RWDD1: variants seen among roughly 807,000 people sequenced by gnomAD.
RWDD1 encodes RWD domain-containing protein 1.
Under a neutral mutation model 31.6 loss-of-function variants are expected in RWDD1, and 17 were observed. That is an observed-to-expected ratio of 0.54 (90% CI 0.37 to 0.81). The LOEUF (loss-of-function observed/expected upper bound fraction) is 0.81. Among genes scored for constraint, RWDD1 ranks in the 30% least tolerant of loss-of-function variants. The pLI, the probability that RWDD1 is intolerant of heterozygous loss-of-function variation, is 0.00. For synonymous variants in RWDD1, 78 were observed against 94.2 expected (o/e 0.83, Z 0.99); for missense variants, 204 against 274.5 (o/e 0.74, Z 1.82).
At chr6:116,582,155 G>A (rs894775731) in intron 2 of RWDD1, among the ~76,000 whole-genome samples, 9 of 151,216 alleles carry the variant, frequency 6.0e-5, no homozygotes, top group African/African-American at 2.2e-4. Flanking sequence ...TGGAAATAGC[G>A]ATCTCTTCCT....
chr6:116,579,129 G>T (rs1453671074), intron 1 of RWDD1, among the ~76,000 whole-genome samples: 1 of 152,204 alleles, frequency 6.6e-6, no homozygotes, highest in African/African-American at 2.4e-5. Context: ...GCCCGCCTTG[G>T]CCTCCCAAAG....
chr6:116,572,374 G>A (rs1211936345), intron 1 of RWDD1: 3 of 152,340 alleles, frequency 2.0e-5, no homozygotes, highest in South Asian at 2.1e-4. Context: ...GGCAGGGCTG[G>A]TACTGAGTTA....
Position 116,582,922 on chromosome 6 carries a change from A to G in RWDD1, c.140-1805A>G, listed in dbSNP as rs116650244. Among the ~76,000 whole-genome samples, 1,104 of 144,096 alleles carry G rather than the reference A, an allele frequency of 7.7e-3. 18 individuals are homozygous for G. Among genetic ancestry groups the G allele is most frequent in the African/African-American group, 0.025 (977 of 39,380 alleles). The allele number at this position is 144,096 out of a possible 152,430, so 94.5% of individuals were successfully genotyped here. On this transcript the variant is annotated intron_variant, in intron 2 of 6. Coordinates refer to ENST00000466444, the MANE Select transcript of RWDD1 (RefSeq NM_015952.4). ...CTTAGAACAGCTTTTGCTTCAACCC[A>G]TAAGTTTTGGTATGATGTGTTTCCA...
At chr6:116,585,574 A>T (rs992110276) in intron 3 of RWDD1, among the ~76,000 whole-genome samples, 3 of 151,934 alleles carry the variant, frequency 2.0e-5, no homozygotes, top group African/African-American at 7.3e-5. Context: ...TTATTTGTTT[A>T]CTCTAAGAAG....
At chr6:116,589,724 CATG>C (rs1358241478) in intron 4 of RWDD1, among the ~76,000 whole-genome samples, 2 of 152,124 alleles carry the variant, frequency 1.3e-5, no homozygotes. Flanking sequence ...GCCTCAGAAT[CATG>C]GTGGGAGGTG....
chr6:116,593,256 T>A lies in RWDD1; in HGVS notation c.*155T>A. ...CATCATTGAACTTAATAAACTGACC[T>A]TAAAATTTCAAATATAAAATGTTCA... On this transcript the variant is annotated 3_prime_UTR_variant, in exon 7 of 7. Coordinates refer to ENST00000466444, the MANE Select transcript of RWDD1 (RefSeq NM_015952.4). 1.4e-6 allele frequency: 1 copy of A among 705,790 alleles called. No individual in the cohort carries two copies. The highest frequency in any genetic ancestry group is 2.1e-6 in the Non-Finnish European group (1 of 470,522). 43.7% of individuals were successfully genotyped at this position (705,790 alleles called of 1,614,324 possible). A position where few individuals can be genotyped will look rare whatever the true frequency, so the allele number is the denominator to read the frequency against.
At chr6:116,573,006 G>A (rs1340404323) in intron 1 of RWDD1, 7 of 985,074 alleles carry the variant, frequency 7.1e-6, no homozygotes, top group African/African-American at 1.7e-5. Flanking sequence ...ATGGAGTCTG[G>A]CTCCCTTCTC....
chr6:116,571,705 G>C (rs377627234), intron 1 of RWDD1, 50 bp downstream of exon 1: 4 of 1,552,144 alleles, frequency 2.6e-6, no homozygotes, highest in Non-Finnish European at 2.6e-6. Context: ...GGAGTAGGAC[G>C]GGCAGGAGCT....
chr6:116,586,633 A>G (rs1020470130), intron 3 of RWDD1, among the ~76,000 whole-genome samples: 13 of 152,198 alleles, frequency 8.5e-5, no homozygotes, highest in Non-Finnish European at 1.6e-4. Flanking sequence ...ACATTCTTAT[A>G]TATCACTACT....
chr6:116,592,305 G>A (rs1279652741), intron 6 of RWDD1, among the ~76,000 whole-genome samples: 1 of 151,478 alleles, frequency 6.6e-6, no homozygotes, highest in Non-Finnish European at 1.5e-5. Flanking sequence ...CTTCATCCTG[G>A]CTCCTTTTCT....
intron 6 of RWDD1, 119 bp from the exon 7 acceptor site, chr6:116,592,861 A>G (rs1339314805): frequency 9.3e-7 from 1 of 1,080,836 alleles, no homozygotes; most frequent in African/African-American, 1.6e-5. Context: ...GGATTTCATC[A>G]CTCCTACCTC....
chr6:116,587,283 T>C (rs1024213953), intron 3 of RWDD1, among the ~76,000 whole-genome samples: 1 of 152,102 alleles, frequency 6.6e-6, no homozygotes, highest in African/African-American at 2.4e-5. Flanking sequence ...TGGGTTGACA[T>C]AGACAAAGTT....
chr6:116,574,710 T>C (rs1188771617), intron 1 of RWDD1, among the ~76,000 whole-genome samples: 1 of 151,588 alleles, frequency 6.6e-6, no homozygotes, highest in East Asian at 1.9e-4. Flanking sequence ...TCTTTCTTTC[T>C]TTTTTTCTTT....
intron 1 of RWDD1, among the ~76,000 whole-genome samples, chr6:116,576,916 A>G (rs138629215): frequency 1.3e-5 from 2 of 152,206 alleles, no homozygotes; most frequent in Admixed American, 1.3e-4. Flanking sequence ...CAGGGACCAC[A>G]TCACAGAGGG....
At chr6:116,588,563 G>A (rs1202551601) in intron 3 of RWDD1, among the ~76,000 whole-genome samples, 2 of 152,066 alleles carry the variant, frequency 1.3e-5, no homozygotes, top group African/African-American at 2.4e-5. Context: ...ACATGCTGGA[G>A]AAAGGATGTT....
rs1192944195 is a variant in RWDD1, at chr6:116,580,367, C to A, written c.139+7C>A. On this transcript the variant is annotated splice_region_variant and intron_variant, in intron 2 of 6. Transcript: ENST00000466444. ...GCTGGAGAAAATGATGAAAGTAAGTCTTATAAAAAATACTTGTGGTTTTTC... is the reference window on the plus strand; with the variant it reads ...GCTGGAGAAAATGATGAAAGTAAGTATTATAAAAAATACTTGTGGTTTTTC... The A allele has an allele frequency of 3.8e-6, 6 of 1,582,068 alleles. No homozygotes were observed. In the East Asian group the frequency reaches 1.4e-4, roughly 36 times the overall value.
In RWDD1 at chr6:116,580,316, G is replaced by C. The variant is rs1774926071; in HGVS notation, c.95G>C (p.Ser32Thr). The C allele has an allele frequency of 3.8e-6, 6 of 1,599,776 alleles. No homozygotes were observed. Among genetic ancestry groups the C allele is most frequent in the Non-Finnish European group, 5.1e-6 (6 of 1,171,108 alleles). The change falls in exon 2 of 7, where the codon AGC becomes ACC. Residue 32 changes from serine (S) to threonine (T), a missense_variant. Ser to Thr is a moderately conservative substitution (Grantham distance 58). Transcript: ENST00000466444. Reference sequence around the variant, plus strand: ...GCAGTATTATCAGAAAATCCACCCAGCTTCACCATTACTGTGACGTCTGAG... The same window carrying C: ...GCAGTATTATCAGAAAATCCACCCACCTTCACCATTACTGTGACGTCTGAG... The part of the protein sequence containing the change: ...SFTVLSENPP[S>T]FTITVTSEAG...
intron 6 of RWDD1, among the ~76,000 whole-genome samples, chr6:116,591,379 G>A (rs752362405): frequency 2.6e-5 from 4 of 152,156 alleles, no homozygotes; most frequent in Admixed American, 6.5e-5. Flanking sequence ...AGTAAACCAG[G>A]TTATTGTGAC....
At chr6:116,576,019 A>G (rs1214521347) in intron 1 of RWDD1, among the ~76,000 whole-genome samples, 1 of 152,252 alleles carries the variant, frequency 6.6e-6, no homozygotes, top group East Asian at 1.9e-4. Context: ...CAGTATGCTC[A>G]GTTAAAAATG....
Sources: allele counts gnomAD v4.1 joint callset (sites outside exome capture counted in the v4.1 genomes callset), GRCh38; gene constraint gnomAD v4.1.1; transcripts MANE v1.5; gene names NCBI Gene and HGNC (gene_info 2026-07-23, HGNC 2026-07-21).